Variants in PHF14 observed in about 807,000 individuals in gnomAD.
The protein encoded by PHF14 is PHD finger protein 14.
PHF14 carries 55 observed loss-of-function variants against 117.9 expected under a neutral mutation model. The observed-to-expected ratio is 0.47, with a 90% CI of 0.38 to 0.58. The LOEUF (loss-of-function observed/expected upper bound fraction) is 0.58, where lower values mean the gene tolerates loss of function less well. Ranked by LOEUF, PHF14 falls within the 20% of genes least tolerant of loss-of-function variation. PHF14 has a pLI of 0.00. For missense variants in PHF14, 978 were observed against 1,122.2 expected (o/e 0.87, Z 1.84); for synonymous variants, 409 against 368.6 (o/e 1.11, Z -1.26).
chr7:10,976,829 A>G (rs763171524), intron 2 of PHF14, among the ~76,000 whole-genome samples: 7 of 149,784 alleles, frequency 4.7e-5, no homozygotes, highest in Non-Finnish European at 3.0e-5. Flanking sequence ...CCCTCTTGTA[A>G]TATAATATCT....
chr7:11,110,131 G>A (rs1215855769), intron 16 of PHF14: 1 of 151,688 alleles, frequency 6.6e-6, no homozygotes, highest in Non-Finnish European at 1.5e-5. Context: ...TATTATGATG[G>A]TTTCTTAAAG....
intron 16 of PHF14, among the ~76,000 whole-genome samples, chr7:11,085,245 T>C (rs1786343815): frequency 6.6e-6 from 1 of 152,232 alleles, no homozygotes; most frequent in Non-Finnish European, 1.5e-5. Flanking sequence ...TAAATAATTT[T>C]TTAATTACAC....
intron 17 of PHF14, among the ~76,000 whole-genome samples, chr7:11,122,392 C>CAT (rs1403363109): frequency 1.6e-4 from 19 of 120,700 alleles, no homozygotes; most frequent in African/African-American, 6.5e-4. Flanking sequence ...CACATACATA[C>CAT]ACACACATAT....
intron 5 of PHF14, among the ~76,000 whole-genome samples, chr7:11,015,455 G>T (rs982820499): frequency 6.6e-6 from 1 of 152,146 alleles, no homozygotes; most frequent in Non-Finnish European, 1.5e-5. Flanking sequence ...TCTGTGGTCT[G>T]TATCATAGGC....
chr7:10,982,276 C>A, intron 2 of PHF14, 96 bp from the exon 3 acceptor site: 1 of 742,570 alleles, frequency 1.3e-6, no homozygotes, highest in Non-Finnish European at 2.1e-6. Context: ...GCAAGTTATT[C>A]ACAAATTTTG....
intron 2 of PHF14, among the ~76,000 whole-genome samples, chr7:10,979,335 C>T (rs1397724896): frequency 6.6e-6 from 1 of 151,920 alleles, no homozygotes; most frequent in Non-Finnish European, 1.5e-5. Context: ...AATTTCTTAA[C>T]TGTCTGTTAG....
chr7:11,038,323 C>A (rs1018362839), intron 10 of PHF14, among the ~76,000 whole-genome samples: 8 of 150,968 alleles, frequency 5.3e-5, no homozygotes, highest in African/African-American at 2.0e-4. Flanking sequence ...CCCAGCTACT[C>A]GAGAGGCTGA....
intron 6 of PHF14, among the ~76,000 whole-genome samples, chr7:11,027,222 C>G (rs978449039): frequency 6.6e-6 from 1 of 152,094 alleles, no homozygotes; most frequent in Non-Finnish European, 1.5e-5. Context: ...TTTAATTTCT[C>G]TTTATCTCTC....
intron 3 of PHF14, 44 bp from the exon 4 acceptor site, chr7:10,990,659 C>A: frequency 7.5e-6 from 9 of 1,203,386 alleles, no homozygotes; most frequent in South Asian, 1.6e-5. Flanking sequence ...TTTTTTTTTA[C>A]TTTAAATGTG....
At chr7:11,118,662 T>C (rs1018082360) in intron 17 of PHF14, among the ~76,000 whole-genome samples, 1 of 151,858 alleles carries the variant, frequency 6.6e-6, no homozygotes, top group African/African-American at 2.4e-5. Context: ...TGAAACCTAT[T>C]TCTAGACAAT....
At chr7:11,092,317 G>T (rs1300826142) in intron 16 of PHF14, among the ~76,000 whole-genome samples, 1 of 152,150 alleles carries the variant, frequency 6.6e-6, no homozygotes, top group Admixed American at 6.5e-5. Context: ...TGTTAAAAGG[G>T]TTTCTGTTTT....
In PHF14 at chr7:10,974,076, T is replaced by G. The variant is rs1781774952; in HGVS notation, c.-248T>G. ...TTGACTGCGCTGCCTGGGCCGGAGG[T>G]CTTCTCCGGCCAGGGAGCGCTGTGG... On this transcript the variant is annotated 5_prime_UTR_variant, in exon 1 of 18. Coordinates refer to ENST00000634607, the MANE Select transcript of PHF14 (RefSeq NM_001007157.2). The G allele has an allele frequency of 6.3e-6, 3 of 473,226 alleles. No individual in the cohort carries two copies. The highest frequency in any genetic ancestry group is 3.8e-6 in the Non-Finnish European group (1 of 261,832). The allele number at this position is 473,226 out of a possible 1,614,324, so 29.3% of individuals were successfully genotyped here.
chr7:11,049,453 C>A (rs1023361993), intron 13 of PHF14, among the ~76,000 whole-genome samples: 2 of 139,394 alleles, frequency 1.4e-5, no homozygotes, highest in African/African-American at 2.7e-5. Flanking sequence ...CCAGCCTGGG[C>A]GACTTAGCAA....
chr7:10,997,168 T>C (rs1392453518), intron 4 of PHF14, among the ~76,000 whole-genome samples: 1 of 152,208 alleles, frequency 6.6e-6, no homozygotes, highest in Admixed American at 6.5e-5. Flanking sequence ...CACATATAAG[T>C]TTTATTGATC....
intron 17 of PHF14, among the ~76,000 whole-genome samples, chr7:11,117,788 C>T (rs1787642425): frequency 1.3e-5 from 2 of 151,542 alleles, no homozygotes; most frequent in Non-Finnish European, 3.0e-5. Flanking sequence ...GAATTTTATG[C>T]ATTGAGAAGA....
Position 11,036,439 on chromosome 7 carries a change from C to T in PHF14, c.1624C>T (p.Gln542Ter), listed in dbSNP as rs1309596235. ...ATAGGCAAGGATCAATGCCCGGCTTCAGCAGTATCGTGCCAAAGCAGAACT... is the reference window on the plus strand; with the variant it reads ...ATAGGCAAGGATCAATGCCCGGCTTTAGCAGTATCGTGCCAAAGCAGAACT... ...EAQARINARLQQYRAKAELAR... is the reference protein window; with the variant it reads ...EAQARINARL Residue 542 changes from glutamine (Q) to a stop codon, truncating the protein, a stop_gained, in exon 9 of 18, where the codon CAG (glutamine) becomes TAG (stop). Transcript: ENST00000634607. LOFTEE classifies it high-confidence loss of function. 9 of 1,613,046 alleles carry T rather than the reference C, an allele frequency of 5.6e-6. No individual in the cohort carries two copies. Among genetic ancestry groups the T allele is most frequent in the Non-Finnish European group, 4.2e-6 (5 of 1,179,306 alleles).
intron 13 of PHF14, among the ~76,000 whole-genome samples, chr7:11,049,474 CAAAA>C (rs11342926): frequency 3.6e-5 from 4 of 110,368 alleles, no homozygotes; most frequent in Non-Finnish European, 5.8e-5. Flanking sequence ...GACTGTCTCT[CAAAA>C]AAAAAAAAAA....
Position 11,044,396 on chromosome 7 carries a change from A to G in PHF14, c.2312+1582A>G, listed in dbSNP as rs558995030. ...AGTGAGAGCACTTCTAAAAGGGCGT[A>G]AACAACTTAGAGCCTTTTCATTGTT... is the stretch of plus-strand genomic sequence containing the variant. On this transcript the variant is annotated intron_variant, in intron 13 of 17. Coordinates refer to ENST00000634607, the MANE Select transcript of PHF14 (RefSeq NM_001007157.2). Among the ~76,000 whole-genome samples the G allele has an allele frequency of 3.9e-5, 6 of 152,296 alleles. No homozygotes were observed. In the South Asian group the frequency reaches 1.2e-3, roughly 32 times the overall value.
chr7:11,026,755 A>C (rs1783926900), intron 6 of PHF14, among the ~76,000 whole-genome samples: 1 of 151,034 alleles, frequency 6.6e-6, no homozygotes, highest in African/African-American at 2.4e-5. Context: ...AATTTATTAC[A>C]AGGAATTTTT....
Sources: gnomAD v4.1 joint callset for allele counts (sites outside exome capture counted in the v4.1 genomes callset) on GRCh38, gnomAD v4.1.1 for gene constraint, MANE v1.5 for transcripts, NCBI Gene and HGNC (gene_info 2026-07-23, HGNC 2026-07-21) for gene names.